Variants in FAM200B observed in about 807,000 individuals in gnomAD.
FAM200B encodes zinc finger BED-type containing 11, also known as protein FAM200B.
Under a neutral mutation model 33.1 loss-of-function variants are expected in FAM200B, and 32 were observed. That is an observed-to-expected ratio of 0.97 (90% CI 0.73 to 1.30). The LOEUF is 1.30. Among genes scored for constraint, FAM200B ranks in the 50% most tolerant of loss-of-function variants. FAM200B has a pLI of 0.00. For synonymous variants in FAM200B, 240 were observed against 264.8 expected, an observed-to-expected ratio of 0.91 and a Z score of 0.91; for missense variants, 741 against 754.0, an observed-to-expected ratio of 0.98 and a Z score of 0.20.
chr4:15,638,647 C>T, the FAM200B span: 8 of 1,610,428 alleles, frequency 5.0e-6, no homozygotes, highest in Non-Finnish European at 5.9e-6. Context: ...TTTTAATATC[C>T]TTAAGCTCTT....
the FAM200B span, among the ~76,000 whole-genome samples, chr4:15,666,937 T>C: frequency 1.3e-5 from 2 of 152,094 alleles, no homozygotes; most frequent in African/African-American, 4.8e-5. Flanking sequence ...TCATTCCACA[T>C]TGTAGACATA....
the FAM200B span, among the ~76,000 whole-genome samples, chr4:15,670,984 C>T: frequency 1.6e-5 from 2 of 125,016 alleles, no homozygotes; most frequent in African/African-American, 3.1e-5. Flanking sequence ...AATGCAGTGG[C>T]GTGATCTCGG....
the FAM200B span, among the ~76,000 whole-genome samples, chr4:15,653,652 T>G: frequency 6.6e-6 from 1 of 152,252 alleles, no homozygotes; most frequent in Non-Finnish European, 1.5e-5. Flanking sequence ...CATTTTTTTT[T>G]TCTTTCCTGC....
the FAM200B span, among the ~76,000 whole-genome samples, chr4:15,659,405 AT>A: frequency 6.6e-6 from 1 of 152,180 alleles, no homozygotes; most frequent in African/African-American, 2.4e-5. Context: ...AAGGGTTCTC[AT>A]TTTGACCTCA....
intron 1 of FAM200B, among the ~76,000 whole-genome samples, chr4:15,682,984 G>A (rs775184356): frequency 6.6e-6 from 1 of 152,156 alleles, no homozygotes; most frequent in Non-Finnish European, 1.5e-5. Flanking sequence ...CAAGCTCGGC[G>A]CCATTAAATG....
chr4:15,670,794 T>A, the FAM200B span, among the ~76,000 whole-genome samples: 1,843 of 152,220 alleles, frequency 0.012, 29 homozygotes, highest in South Asian at 0.038. Flanking sequence ...TATTTCTACC[T>A]GCCTGACTTA....
chr4:15,670,914 C>CTTT, the FAM200B span, among the ~76,000 whole-genome samples: 1 of 54,180 alleles, frequency 1.8e-5, no homozygotes, highest in East Asian at 6.1e-4. Context: ...TGTGCGTAGA[C>CTTT]TTTTTTTTTT....
chr4:15,662,470 T>C, the FAM200B span, among the ~76,000 whole-genome samples: 1 of 152,206 alleles, frequency 6.6e-6, no homozygotes, highest in Non-Finnish European at 1.5e-5. Context: ...GTACCTGGCA[T>C]ATTAAGCATT....
the FAM200B span, among the ~76,000 whole-genome samples, chr4:15,651,241 C>G: frequency 6.6e-6 from 1 of 152,034 alleles, no homozygotes; most frequent in East Asian, 1.9e-4. Context: ...TGCATAAAAT[C>G]ATAGAGCTAC....
the FAM200B span, among the ~76,000 whole-genome samples, chr4:15,645,796 T>C: frequency 6.6e-6 from 1 of 152,236 alleles, no homozygotes; most frequent in South Asian, 2.1e-4. Flanking sequence ...TTTCACATGG[T>C]TGTTAGTACT....
chr4:15,639,558 A>G, the FAM200B span, among the ~76,000 whole-genome samples: 1 of 152,232 alleles, frequency 6.6e-6, no homozygotes. Context: ...TCAATCTCCA[A>G]TTTACAGAAT....
At chr4:15,649,233 A>G in the FAM200B span, among the ~76,000 whole-genome samples, 1 of 152,170 alleles carries the variant, frequency 6.6e-6, no homozygotes, top group Admixed American at 6.5e-5. Context: ...CTCCACATGA[A>G]AAGTGCAAAC....
At chr4:15,672,142 T>G in the FAM200B span, among the ~76,000 whole-genome samples, 2 of 152,228 alleles carry the variant, frequency 1.3e-5, no homozygotes, top group Non-Finnish European at 2.9e-5. Flanking sequence ...CTTTCAGGCC[T>G]TGCTTTAAAC....
At chr4:15,668,333 A>G in the FAM200B span, among the ~76,000 whole-genome samples, 24 of 151,936 alleles carry the variant, frequency 1.6e-4, no homozygotes, top group Non-Finnish European at 3.4e-4. Context: ...AAAAATAATC[A>G]AGAATGATGA....
At chr4:15,662,073 C>T in the FAM200B span, among the ~76,000 whole-genome samples, 1 of 151,900 alleles carries the variant, frequency 6.6e-6, no homozygotes, top group East Asian at 1.9e-4. Flanking sequence ...ATAACATAAT[C>T]TCAGAAGAGA....
At chr4:15,648,468 T>C in the FAM200B span, among the ~76,000 whole-genome samples, 1 of 152,198 alleles carries the variant, frequency 6.6e-6, no homozygotes, top group Non-Finnish European at 1.5e-5. Flanking sequence ...ATAGCCAAGA[T>C]ATGGAGCCAA....
the FAM200B span, among the ~76,000 whole-genome samples, chr4:15,647,077 G>T: frequency 6.6e-6 from 1 of 151,494 alleles, no homozygotes; most frequent in Non-Finnish European, 1.5e-5. Flanking sequence ...ACAAAAATTA[G>T]CAGGGAGTGG....
chr4:15,646,113 T>C, the FAM200B span, among the ~76,000 whole-genome samples: 1 of 152,200 alleles, frequency 6.6e-6, no homozygotes, highest in African/African-American at 2.4e-5. Flanking sequence ...GGCCATGTGG[T>C]CTGTAGCAAT....
chr4:15,682,742 G>GT (rs1045402211), intron 1 of FAM200B, among the ~76,000 whole-genome samples: 8 of 152,222 alleles, frequency 5.3e-5, no homozygotes, highest in Admixed American at 3.3e-4. Flanking sequence ...CATGGCTGCT[G>GT]TAGCATTTGA....
Sources: gnomAD v4.1 joint callset for allele counts (sites outside exome capture counted in the v4.1 genomes callset) on GRCh38, gnomAD v4.1.1 for gene constraint, MANE v1.5 for transcripts, NCBI Gene and HGNC (gene_info 2026-07-23, HGNC 2026-07-21) for gene names.